GRIN2B: variants seen among roughly 807,000 people sequenced by gnomAD.
GRIN2B encodes the protein glutamate ionotropic receptor NMDA type subunit 2B, also known as glutamate receptor ionotropic, NMDA 2B.
In GRIN2B, 5 loss-of-function variants were observed where a neutral mutation model predicts 114.5. That is an observed-to-expected ratio of 0.04 (90% CI 0.02 to 0.09). The LOEUF is 0.09. Ranked by LOEUF, GRIN2B falls within the 10% of genes least tolerant of loss-of-function variation. The pLI is 1.00. For missense variants in GRIN2B, 1,108 were observed against 1,943.5 expected (o/e 0.57, Z 8.08); for synonymous variants, 787 against 745.1 (o/e 1.06, Z -0.92).
chr12:13,934,535 G>T (rs1432347444), intron 2 of GRIN2B, among the ~76,000 whole-genome samples: 1 of 152,176 alleles, frequency 6.6e-6, no homozygotes. Flanking sequence ...TAGAATCCAG[G>T]TCTGTGCCCG....
intron 10 of GRIN2B, among the ~76,000 whole-genome samples, chr12:13,594,340 A>G (rs1380950261): frequency 6.6e-6 from 1 of 152,234 alleles, no homozygotes; most frequent in East Asian, 1.9e-4. Context: ...AATACTATGC[A>G]GCCATAAAAA....
At chr12:13,715,574 G>A (rs1950447805) in intron 4 of GRIN2B, among the ~76,000 whole-genome samples, 1 of 151,658 alleles carries the variant, frequency 6.6e-6, no homozygotes, top group Non-Finnish European at 1.5e-5. Flanking sequence ...CAAAAGAGTG[G>A]GTAAGTGAAT....
chr12:13,672,388 C>A (rs746066609), intron 5 of GRIN2B, among the ~76,000 whole-genome samples: 4 of 152,146 alleles, frequency 2.6e-5, no homozygotes, highest in Non-Finnish European at 5.9e-5. Flanking sequence ...GTAGAATCTT[C>A]ACCCTGGTGC....
intron 3 of GRIN2B, among the ~76,000 whole-genome samples, chr12:13,770,796 A>C (rs1863893419): frequency 6.6e-6 from 1 of 152,140 alleles, no homozygotes; most frequent in African/African-American, 2.4e-5. Context: ...TATTATGAGG[A>C]TATATGTGCA....
chr12:13,963,370 G>A (rs1218500183), intron 2 of GRIN2B, among the ~76,000 whole-genome samples: 1 of 152,120 alleles, frequency 6.6e-6, no homozygotes, highest in Non-Finnish European at 1.5e-5. Flanking sequence ...GCAATTCTCC[G>A]CGGCATGACA....
chr12:13,844,228 G>T (rs1174883052), intron 3 of GRIN2B, among the ~76,000 whole-genome samples: 2 of 152,150 alleles, frequency 1.3e-5, no homozygotes, highest in Non-Finnish European at 2.9e-5. Context: ...GGCTTGAATG[G>T]TTTTGCCTTT....
chr12:13,613,476 G>A (rs532740364), intron 8 of GRIN2B, among the ~76,000 whole-genome samples: 1 of 152,214 alleles, frequency 6.6e-6, no homozygotes, highest in South Asian at 2.1e-4. Context: ...CTCAGAAAGT[G>A]TCAGGGTCAG....
intron 3 of GRIN2B, among the ~76,000 whole-genome samples, chr12:13,777,390 A>G (rs1014349048): frequency 4.6e-5 from 7 of 152,100 alleles, no homozygotes; most frequent in African/African-American, 1.7e-4. Context: ...TTCCATGTCA[A>G]TTTCAGTCCA....
intron 3 of GRIN2B, among the ~76,000 whole-genome samples, chr12:13,807,535 C>A (rs1010328797): frequency 1.1e-4 from 17 of 152,032 alleles, no homozygotes; most frequent in Non-Finnish European, 2.2e-4. Flanking sequence ...AATCTCACCA[C>A]AGCGAAATTT....
chr12:13,650,452 T>G (rs1022330190), intron 5 of GRIN2B, among the ~76,000 whole-genome samples: 1 of 152,108 alleles, frequency 6.6e-6, no homozygotes, highest in South Asian at 2.1e-4. Context: ...AGTGTGTGCC[T>G]TCTCACTAAG....
intron 4 of GRIN2B, among the ~76,000 whole-genome samples, chr12:13,709,947 A>G (rs10845828): frequency 0.12 from 18,319 of 152,044 alleles, 1,508 homozygotes; most frequent in East Asian, 0.3. Flanking sequence ...AAATAAAAAC[A>G]TATGTCCACA....
At chr12:13,617,023 G>A (rs1949453041) in intron 5 of GRIN2B, among the ~76,000 whole-genome samples, 1 of 152,174 alleles carries the variant, frequency 6.6e-6, no homozygotes, top group Non-Finnish European at 1.5e-5. Context: ...TGTAGTAAGT[G>A]AGGATGCTGG....
At chr12:13,582,477 C>T (rs1948865902) in intron 10 of GRIN2B, among the ~76,000 whole-genome samples, 1 of 152,224 alleles carries the variant, frequency 6.6e-6, no homozygotes, top group Non-Finnish European at 1.5e-5. Context: ...AAGCATTCAA[C>T]ACCTTAATTG....
chr12:13,674,598 C>A (rs566221083), intron 5 of GRIN2B, among the ~76,000 whole-genome samples: 2 of 152,196 alleles, frequency 1.3e-5, no homozygotes, highest in South Asian at 4.2e-4. Context: ...TCTCTGGCCT[C>A]ATTTTCTGGT....
At chr12:13,782,040 T>C (rs1015843919) in intron 3 of GRIN2B, among the ~76,000 whole-genome samples, 2 of 152,202 alleles carry the variant, frequency 1.3e-5, no homozygotes, top group Non-Finnish European at 2.9e-5. Flanking sequence ...AGACAAACCT[T>C]AGCTCTTCTG....
At chr12:13,852,624 G>A (rs909107576) in intron 3 of GRIN2B, among the ~76,000 whole-genome samples, 1 of 146,366 alleles carries the variant, frequency 6.8e-6, no homozygotes, top group African/African-American at 2.5e-5. Flanking sequence ...GACTTAAAAG[G>A]TTATTTCATT....
chr12:13,902,403 C>A (rs563606921), intron 2 of GRIN2B, among the ~76,000 whole-genome samples: 1 of 152,148 alleles, frequency 6.6e-6, no homozygotes, highest in Non-Finnish European at 1.5e-5. Flanking sequence ...ATTCATAATG[C>A]TTTACATTAT....
chr12:13,861,766 G>A (rs544104984), intron 3 of GRIN2B, among the ~76,000 whole-genome samples: 1 of 152,178 alleles, frequency 6.6e-6, no homozygotes, highest in African/African-American at 2.4e-5. Context: ...GCCCTTCTTG[G>A]GTGGTCTCCA....
Position 13,845,463 on chromosome 12 carries a change from A to G in GRIN2B, c.411+20335T>C, listed in dbSNP as rs187592169. 3.8e-3 allele frequency among the ~76,000 whole-genome samples: 574 copies of G among 152,276 alleles called. 3 individuals are homozygous for G. Among genetic ancestry groups the G allele is most frequent in the Middle Eastern group, 6.8e-3 (2 of 294 alleles). Reference sequence around the variant, plus strand: ...GAGAGAAGAGATAGCAATTCATTACATCATATTATCTGTAGACTATGAACT... The same window carrying G: ...GAGAGAAGAGATAGCAATTCATTACGTCATATTATCTGTAGACTATGAACT... On this transcript the variant is annotated intron_variant, in intron 3 of 13. Transcript: ENST00000609686.
Sources: allele counts gnomAD v4.1 joint callset (sites outside exome capture counted in the v4.1 genomes callset), GRCh38; gene constraint gnomAD v4.1.1; transcripts MANE v1.5; gene names NCBI Gene and HGNC (gene_info 2026-07-23, HGNC 2026-07-21).